RPS3: variants seen among roughly 807,000 people sequenced by gnomAD.
The protein encoded by RPS3 is small ribosomal subunit protein uS3.
RPS3 carries 2 observed loss-of-function variants against 25.8 expected under a neutral mutation model. The ratio of observed to expected loss-of-function variants is 0.08; its 90% CI spans 0.03 to 0.24. RPS3 has a LOEUF of 0.24. RPS3 is among the 10% of genes least tolerant of loss of function. RPS3 has a pLI of 1.00. For synonymous variants in RPS3, 114 were observed against 114.2 expected, an observed-to-expected ratio of 1.00 and a Z score of 0.01; for missense variants, 107 against 307.1, an observed-to-expected ratio of 0.35 and a Z score of 4.87.
chr11:75,401,366 G>A (rs915889730), intron 2 of RPS3, among the ~76,000 whole-genome samples: 1 of 152,122 alleles, frequency 6.6e-6, no homozygotes, highest in Non-Finnish European at 1.5e-5. Context: ...GGGTGTGGTG[G>A]TGCATGCATG....
At chr11:75,416,309 C>T (rs1226666634) in intron 6 of RPS3, among the ~76,000 whole-genome samples, 1 of 152,148 alleles carries the variant, frequency 6.6e-6, no homozygotes, top group Non-Finnish European at 1.5e-5. Context: ...TCTCCCCATC[C>T]CAACTGTACG....
chr11:75,411,439 G>T (rs1480703705), downstream of RPS3, among the ~76,000 whole-genome samples: 1 of 152,002 alleles, frequency 6.6e-6, no homozygotes, highest in East Asian at 1.9e-4. Context: ...GCCCAGGCTG[G>T]AGTGCAGTGG....
intron 3 of RPS3, chr11:75,402,129 G>A (rs924577622): frequency 4.9e-6 from 3 of 609,796 alleles, no homozygotes; most frequent in Non-Finnish European, 8.6e-6. Context: ...AGGCTACGTT[G>A]GAAGAAGAAA....
At chr11:75,421,700 T>A (rs1045789172) in intron 6 of RPS3, 1 of 152,210 alleles carries the variant, frequency 6.6e-6, no homozygotes, top group East Asian at 1.9e-4. Flanking sequence ...TGTTCAGGGA[T>A]CCATAACTGT....
chr11:75,410,170 C>G (rs1336390637), downstream of RPS3, among the ~76,000 whole-genome samples: 1 of 149,742 alleles, frequency 6.7e-6, no homozygotes, highest in Non-Finnish European at 1.5e-5. Flanking sequence ...GGGGGGCTGA[C>G]CCCCCCACCT....
downstream of RPS3, among the ~76,000 whole-genome samples, chr11:75,409,107 G>A (rs866366545): frequency 3.3e-5 from 5 of 151,708 alleles, no homozygotes; most frequent in East Asian, 1.9e-4. Flanking sequence ...TCAACCTCCC[G>A]GGTAGCTGGG....
intron 4 of RPS3, chr11:75,403,027 A>G (rs3094303): frequency 0.091 from 13,838 of 152,262 alleles, 723 homozygotes; most frequent in South Asian, 0.22. Context: ...TACTGGTAAG[A>G]TTTCAACAGG....
intron 1 of RPS3, 41 bp from the exon 2 acceptor site, chr11:75,400,653 C>T: frequency 6.2e-7 from 1 of 1,603,914 alleles, no homozygotes; most frequent in Non-Finnish European, 8.5e-7. Context: ...AGTGAGCCTA[C>T]ACCGATCTCC....
chr11:75,408,491 C>A (rs1022978010), downstream of RPS3, among the ~76,000 whole-genome samples: 45 of 90,092 alleles, frequency 5.0e-4, no homozygotes, highest in Admixed American at 1.1e-3. Flanking sequence ...AAAAAAAAAA[C>A]CCAGATTTGC....
chr11:75,400,949 C>T, intron 2 of RPS3, 125 bp downstream of exon 2: 1 of 1,296,610 alleles, frequency 7.7e-7, no homozygotes, highest in Non-Finnish European at 1.0e-6. Context: ...GTGGCGCGAT[C>T]TCGGCTCACT....
rs1396842655 is a variant in RPS3 at position 75,404,359 on chromosome 11, G to C, written c.538+152G>C. On this transcript the variant is annotated intron_variant, in intron 5 of 6. Coordinates refer to ENST00000531188, the MANE Select transcript of RPS3 (RefSeq NM_001005.5). The surrounding 1 kb of genome is among the most constrained non-coding windows in gnomAD (Gnocchi z 4.6). Reference sequence around the variant, plus strand: ...ATTGCCACGTTGATCTGTAAGAATCGATTTGCTGAGATCTGTCAGATCCAA... The same window carrying C: ...ATTGCCACGTTGATCTGTAAGAATCCATTTGCTGAGATCTGTCAGATCCAA... The C allele has an allele frequency of 1.2e-6, 1 of 827,208 alleles. No homozygotes were observed. The highest frequency in any genetic ancestry group is 2.1e-6 in the Non-Finnish European group (1 of 483,458). 51.2% of individuals were successfully genotyped at this position (827,208 alleles called of 1,614,324 possible). A position where few individuals can be genotyped will look rare whatever the true frequency, so the allele number is the denominator to read the frequency against.
chr11:75,416,487 G>A lies in RPS3; in HGVS notation c.*4-5240G>A, dbSNP rs181431550. On this transcript the variant is annotated intron_variant, in intron 6 of 6. Transcript: ENST00000527446. ...TTTTTTTTTTTTTTTTTGAGACAAA[G>A]TCTCACTGTCACTTAGGCTGGAGTA... Among the ~76,000 whole-genome samples, 51 of 112,278 alleles carry A rather than the reference G, an allele frequency of 4.5e-4. No individual in the cohort carries two copies. The East Asian group carries it at 0.013, about 29-fold the overall frequency. 73.7% of individuals were successfully genotyped at this position (112,278 alleles called of 152,430 possible).
At chr11:75,421,543 T>C (rs148211558) in intron 6 of RPS3, among the ~76,000 whole-genome samples, 132 of 152,344 alleles carry the variant, frequency 8.7e-4, no homozygotes, top group African/African-American at 3.0e-3. Context: ...CCCAGGCTTA[T>C]AATGACATCA....
intron 6 of RPS3, chr11:75,405,399 C>T: frequency 3.1e-6 from 1 of 317,844 alleles, no homozygotes; most frequent in South Asian, 2.7e-5. Flanking sequence ...ACTAACAAGC[C>T]TCCTGTGGTC....
chr11:75,400,514 A>G, intron 1 of RPS3, 180 bp from the exon 2 acceptor site: 1 of 856,056 alleles, frequency 1.2e-6, no homozygotes, highest in Non-Finnish European at 1.9e-6. Flanking sequence ...CCTAAAGATG[A>G]CTTAGAGGCA....
chr11:75,399,541 C>G lies in RPS3; in HGVS notation c.-7C>G, dbSNP rs771091990. ...TTCCTTTCCTTTCAGCGGAGCGCGGCGGCAAGATGGCAGTGCAAATATCCA... is the reference window on the plus strand; with the variant it reads ...TTCCTTTCCTTTCAGCGGAGCGCGGGGGCAAGATGGCAGTGCAAATATCCA... On this transcript the variant is annotated 5_prime_UTR_variant, in exon 1 of 7. Transcript: ENST00000531188. 3 of 1,613,882 alleles carry G rather than the reference C, an allele frequency of 1.9e-6. No homozygotes were observed. The highest frequency in any genetic ancestry group is 1.3e-5 in the African/African-American group (1 of 75,040).
intron 6 of RPS3, chr11:75,405,359 T>A (rs1354398957): frequency 3.8e-6 from 1 of 265,024 alleles, no homozygotes; most frequent in Non-Finnish European, 7.3e-6. Flanking sequence ...GCACTTTTGC[T>A]ATTCTGTCCT....
At chr11:75,414,491 G>C (rs1948381246) in intron 6 of RPS3, among the ~76,000 whole-genome samples, 1 of 152,106 alleles carries the variant, frequency 6.6e-6, no homozygotes, top group South Asian at 2.1e-4. Context: ...GACGCCTGTA[G>C]TCCCAGCTAC....
exon 7 of RPS3, chr11:75,421,926 T>G (rs1446693256): frequency 6.6e-6 from 1 of 152,266 alleles, no homozygotes; most frequent in African/African-American, 2.4e-5. Context: ...CTTTAACTGT[T>G]AATATATATA....
Sources: gnomAD v4.1 joint callset for allele counts (sites outside exome capture counted in the v4.1 genomes callset) on GRCh38, gnomAD v4.1.1 for gene constraint, Gnocchi (gnomAD v3.1) non-coding constraint, MANE v1.5 for transcripts, NCBI Gene and HGNC (gene_info 2026-07-23, HGNC 2026-07-21) for gene names.